TAOK3: variants seen among roughly 807,000 people sequenced by gnomAD.
TAOK3 encodes the protein serine/threonine-protein kinase TAO3.
Under a neutral mutation model 120.4 loss-of-function variants are expected in TAOK3, and 40 were observed. The ratio of observed to expected loss-of-function variants is 0.33; its 90% CI spans 0.26 to 0.43. TAOK3 has a LOEUF of 0.43. Ranked by LOEUF, TAOK3 falls within the 20% of genes least tolerant of loss-of-function variation. TAOK3 has a pLI of 1.00. For missense variants in TAOK3, 821 were observed against 1,112.1 expected (o/e 0.74, Z 3.72); for synonymous variants, 355 against 387.5 (o/e 0.92, Z 0.99).
chr12:118,249,992 C>T (rs979595326), intron 3 of TAOK3, among the ~76,000 whole-genome samples: 2 of 152,116 alleles, frequency 1.3e-5, no homozygotes, highest in Admixed American at 1.3e-4. Context: ...CAAAGGTGAT[C>T]TAGAAACCTA....
chr12:118,218,375 C>A (rs1191032087), intron 9 of TAOK3, among the ~76,000 whole-genome samples: 1 of 152,124 alleles, frequency 6.6e-6, no homozygotes, highest in Admixed American at 6.6e-5. Context: ...CTGTGGGGGA[C>A]TGGTTCCCGT....
In TAOK3 at chr12:118,152,444, CTTGCCTACAGCCCTTGG is replaced by C. The variant is rs771183631; in HGVS notation, c.2353-52_2353-36del. ...CAGAAGACACACACGGTCATGCACC[CTTGCCTACAGCCCTTGG>C]TGGCCTACAGCCCTTGGTGACTACT... On this transcript the variant is annotated intron_variant, in intron 19 of 20. Transcript: ENST00000392533. The C allele has an allele frequency of 3.2e-6, 5 of 1,571,616 alleles. No homozygotes were observed. The South Asian group carries it at 4.6e-5, about 14-fold the overall frequency.
At chr12:118,178,658 A>G (rs1430214750) in intron 15 of TAOK3, among the ~76,000 whole-genome samples, 2 of 152,142 alleles carry the variant, frequency 1.3e-5, no homozygotes, top group Non-Finnish European at 2.9e-5. Flanking sequence ...GGGTTTCACC[A>G]TGTTGGCCAG....
chr12:118,172,718 C>T, intron 16 of TAOK3, 58 bp from the exon 17 acceptor site: 1 of 1,394,300 alleles, frequency 7.2e-7, no homozygotes, highest in South Asian at 1.2e-5. Context: ...ACTGTAACAG[C>T]TTATTGCAAC....
At chr12:118,290,312 C>T (rs902910842) in intron 1 of TAOK3, among the ~76,000 whole-genome samples, 4 of 152,128 alleles carry the variant, frequency 2.6e-5, no homozygotes, top group Admixed American at 2.6e-4. Flanking sequence ...CAGACTACTT[C>T]CCTGAGATAT....
At chr12:118,324,946 C>T (rs1487210955) in intron 1 of TAOK3, among the ~76,000 whole-genome samples, 1 of 151,760 alleles carries the variant, frequency 6.6e-6, no homozygotes, top group Non-Finnish European at 1.5e-5. Context: ...CGGGGTTTCA[C>T]CGTGTTAGCC....
Position 118,189,843 on chromosome 12 carries a change from G to A in TAOK3, c.1293C>T (p.Asn431=), listed in dbSNP as rs770777997. The change falls in exon 14 of 21, where the codon AAC becomes AAT. Residue 431 remains asparagine (N), a synonymous_variant. Coordinates refer to ENST00000392533, the MANE Select transcript of TAOK3 (RefSeq NM_016281.4). ...SVQSQALHYR[N]RERFATIKSA... is the part of the protein sequence containing the mutation. ...ATTTGATCGTGGCAAAGCGCTCTCT[G>A]TTCCGGTAGTGGAGGGCCTGGCTCT... 6.2e-7 allele frequency: 1 copy of A among 1,614,240 alleles called. No individual in the cohort carries two copies. The highest frequency in any genetic ancestry group is 8.5e-7 in the Non-Finnish European group (1 of 1,180,044).
intron 3 of TAOK3, 73 bp from the exon 4 acceptor site, chr12:118,245,038 T>A: frequency 1.0e-6 from 1 of 964,968 alleles, no homozygotes; most frequent in Non-Finnish European, 1.6e-6. Context: ...AATATTTGAC[T>A]AGAGACTATT....
chr12:118,236,738 A>G (rs1323611073), intron 7 of TAOK3: 1 of 152,194 alleles, frequency 6.6e-6, no homozygotes, highest in African/African-American at 2.4e-5. Context: ...ACAGAAAAAT[A>G]TATTTTCTCT....
intron 1 of TAOK3, among the ~76,000 whole-genome samples, chr12:118,277,036 T>C (rs1038826229): frequency 2.0e-5 from 3 of 152,238 alleles, no homozygotes; most frequent in South Asian, 2.1e-4. Context: ...AAACCTCTTA[T>C]GGCTTTTATA....
chr12:118,202,850 G>GCT (rs2038098515), intron 11 of TAOK3, among the ~76,000 whole-genome samples: 1 of 145,454 alleles, frequency 6.9e-6, no homozygotes, highest in Admixed American at 7.2e-5. Flanking sequence ...TGCGATCTTG[G>GCT]CTCACTGCAA....
chr12:118,197,158 T>A (rs1565933390), intron 13 of TAOK3, among the ~76,000 whole-genome samples: 1 of 152,198 alleles, frequency 6.6e-6, no homozygotes, highest in African/African-American at 2.4e-5. Flanking sequence ...ATATATATTC[T>A]ATTTTTTGAG....
At chr12:118,320,397 G>A (rs1312407677) in intron 1 of TAOK3, among the ~76,000 whole-genome samples, 3 of 151,856 alleles carry the variant, frequency 2.0e-5, no homozygotes, top group Non-Finnish European at 2.9e-5. Context: ...TTTGAGACAA[G>A]CCTGGACAAC....
At chr12:118,360,405 A>C (rs1283941763) in intron 1 of TAOK3, among the ~76,000 whole-genome samples, 1 of 151,528 alleles carries the variant, frequency 6.6e-6, no homozygotes, top group Non-Finnish European at 1.5e-5. Flanking sequence ...ATCTCTACTA[A>C]AAATACAAAA....
At chr12:118,223,581 C>T (rs1219783301) in intron 9 of TAOK3, among the ~76,000 whole-genome samples, 3 of 151,660 alleles carry the variant, frequency 2.0e-5, no homozygotes, top group Non-Finnish European at 2.9e-5. Flanking sequence ...CTCCTGACCT[C>T]GTGACTCACC....
At chr12:118,238,616 A>G (rs562568857) in intron 6 of TAOK3, among the ~76,000 whole-genome samples, 9 of 151,846 alleles carry the variant, frequency 5.9e-5, no homozygotes, top group Admixed American at 4.6e-4. Flanking sequence ...ATTTCTATTC[A>G]GAGATCAACA....
intron 1 of TAOK3, among the ~76,000 whole-genome samples, chr12:118,275,061 A>T (rs2041858405): frequency 6.6e-6 from 1 of 152,182 alleles, no homozygotes; most frequent in Non-Finnish European, 1.5e-5. Flanking sequence ...CATAAATCCC[A>T]AATTATTCTA....
intron 14 of TAOK3, among the ~76,000 whole-genome samples, chr12:118,187,528 T>A (rs962283563): frequency 4.6e-5 from 7 of 152,128 alleles, no homozygotes; most frequent in African/African-American, 1.2e-4. Context: ...CATTAAAAAA[T>A]CCATACCCAT....
At position 118,238,084 on chromosome 12, in the gene TAOK3, T is replaced by G. The variant is rs376343792; in HGVS notation, c.426A>C (p.Ala142=). 2 of 1,599,900 alleles carry G rather than the reference T, an allele frequency of 1.3e-6. No homozygotes were observed. Among genetic ancestry groups the G allele is most frequent in the Admixed American group, 1.7e-5 (1 of 59,694 alleles). Residue 142 remains alanine (A), a synonymous_variant, in exon 7 of 21, where the codon GCA becomes GCC. Coordinates refer to ENST00000392533, the MANE Select transcript of TAOK3 (RefSeq NM_016281.4). ...GTCTCTAATCTTACCTATGAATCAA[T>G]GCATGAGAATGTAGGTAGGCTAGTC... ...LHGLAYLHSH[A]LIHRDIKAGN... is the part of the protein sequence containing the mutation.
Sources: allele counts gnomAD v4.1 joint callset (sites outside exome capture counted in the v4.1 genomes callset), GRCh38; gene constraint gnomAD v4.1.1; transcripts MANE v1.5; gene names NCBI Gene and HGNC (gene_info 2026-07-23, HGNC 2026-07-21).